The following LRP1B variants were observed in gnomAD, a reference collection of about 807,000 sequenced individuals.
LRP1B encodes low-density lipoprotein receptor-related protein 1B.
A neutral mutation model predicts 556.6 loss-of-function variants in LRP1B; 217 were observed. That is an observed-to-expected ratio of 0.39 (90% CI 0.35 to 0.44). LRP1B has a LOEUF of 0.44. LRP1B is among the 20% of genes least tolerant of loss of function. LRP1B has a pLI of 1.00. For synonymous variants in LRP1B, 2,047 were observed against 1,865.8 expected (o/e 1.10, Z -2.50); for missense variants, 5,053 against 5,620.8 (o/e 0.90, Z 3.23).
intron 3 of LRP1B, among the ~76,000 whole-genome samples, chr2:141,255,310 A>G (rs1219063642): frequency 6.6e-6 from 1 of 152,046 alleles, no homozygotes; most frequent in Non-Finnish European, 1.5e-5. Context: ...TATTGGATAG[A>G]AGCATGACTG....
At chr2:141,474,726 T>C (rs1031405137) in intron 3 of LRP1B, among the ~76,000 whole-genome samples, 3 of 152,128 alleles carry the variant, frequency 2.0e-5, no homozygotes, top group African/African-American at 7.2e-5. Flanking sequence ...CAATTAATTA[T>C]GTCATATACT....
chr2:141,939,654 A>G (rs887221092), intron 1 of LRP1B, among the ~76,000 whole-genome samples: 1 of 152,150 alleles, frequency 6.6e-6, no homozygotes, highest in African/African-American at 2.4e-5. Flanking sequence ...ACTATTATAT[A>G]TGTTTTGATG....
chr2:141,907,496 C>CT (rs1420694983), intron 1 of LRP1B, among the ~76,000 whole-genome samples: 1 of 151,704 alleles, frequency 6.6e-6, no homozygotes, highest in African/African-American at 2.4e-5. Context: ...TTATCTGTAT[C>CT]TTTTTTCTAG....
intron 9 of LRP1B, among the ~76,000 whole-genome samples, chr2:141,057,868 C>T (rs188169502): frequency 4.6e-4 from 70 of 152,006 alleles, no homozygotes; most frequent in Admixed American, 3.6e-3. Flanking sequence ...TTCCATGGAA[C>T]TTCTTCTGAC....
chr2:142,071,147 CTGTATTACTTTTATATTCGTAAATGAA>C (rs1235436573), intron 1 of LRP1B, among the ~76,000 whole-genome samples: 1 of 151,802 alleles, frequency 6.6e-6, no homozygotes, highest in Non-Finnish European at 1.5e-5. Flanking sequence ...CTTCAAGTAC[CTGTATTACTTTTATATTCGTAAATGAA>C]ATATACTTTC....
chr2:141,114,003 C>T (rs1360118027), intron 7 of LRP1B, among the ~76,000 whole-genome samples: 1 of 152,184 alleles, frequency 6.6e-6, no homozygotes, highest in Non-Finnish European at 1.5e-5. Context: ...ATGTATGGAG[C>T]TATCATGAAA....
chr2:142,129,584 T>TTCTCTCTCTCTCTCTCTCTCTCTC (rs56034357), intron 1 of LRP1B, among the ~76,000 whole-genome samples: 1 of 134,734 alleles, frequency 7.4e-6, no homozygotes, highest in African/African-American at 2.8e-5. Context: ...CTTTCTCTCT[T>TTCTCTCTCTCTCTCTCTCTCTCTC]TCTCTCTCTC....
chr2:140,316,013 T>C (rs977751591), intron 82 of LRP1B, among the ~76,000 whole-genome samples: 3 of 152,150 alleles, frequency 2.0e-5, no homozygotes, highest in Non-Finnish European at 2.9e-5. Flanking sequence ...ATAAAAAAGG[T>C]TGGACATTCC....
At chr2:141,123,496 A>G (rs1167178174) in intron 7 of LRP1B, among the ~76,000 whole-genome samples, 1 of 152,108 alleles carries the variant, frequency 6.6e-6, no homozygotes, top group Admixed American at 6.6e-5. Flanking sequence ...AAAAGCATCT[A>G]TGTTTTGAAA....
At position 140,601,571 on chromosome 2, in the gene LRP1B, T is replaced by C. The variant is rs1253742853; in HGVS notation, c.6868A>G (p.Thr2290Ala). 1 of 1,613,028 alleles carries C rather than the reference T, an allele frequency of 6.2e-7. No homozygotes were observed. Among genetic ancestry groups the C allele is most frequent in the East Asian group, 2.2e-5 (1 of 44,840 alleles). The change falls in exon 42 of 91, where the codon ACC (threonine) becomes GCC (alanine). Residue 2290 changes from threonine to alanine, a missense_variant. Thr to Ala is a moderately conservative substitution (Grantham distance 58, BLOSUM62 0). Transcript: ENST00000389484. ...ACAGTGTGTCTGGTGATGGATGAGG[T>C]GGTAGAGCTTGTCCAGTACAGTGTA... ...WDTLYWTSSTTSSITRHTVDQ... is the reference protein window; with the variant it reads ...WDTLYWTSSTASSITRHTVDQ...
rs142274547 is a variant in LRP1B, at chr2:140,891,472, C to T, written c.3767-5137G>A. On this transcript the variant is annotated intron_variant, in intron 23 of 90. Transcript: ENST00000389484. The stretch of plus-strand genomic sequence containing the variant: ...CAAACAAAAAGTGATATTACTGTTA[C>T]AATGTTTTCTCTCCTGCTACTTCGG... 1.2e-3 allele frequency among the ~76,000 whole-genome samples: 179 copies of T among 152,212 alleles called. 5 individuals carry two copies. Among genetic ancestry groups the T allele is most frequent in the Admixed American group, 0.01 (158 of 15,270 alleles).
intron 2 of LRP1B, among the ~76,000 whole-genome samples, chr2:141,562,722 A>C (rs978074710): frequency 1.2e-4 from 19 of 152,006 alleles, no homozygotes; most frequent in African/African-American, 4.3e-4. Context: ...TAGATGTATG[A>C]GCGTGCTTAA....
intron 60 of LRP1B, among the ~76,000 whole-genome samples, chr2:140,469,253 A>C (rs747860776): frequency 2.6e-5 from 4 of 152,128 alleles, no homozygotes; most frequent in Non-Finnish European, 4.4e-5. Context: ...CGTAAATGGG[A>C]ATGGTGCCCT....
At chr2:142,103,268 G>C (rs1453842980) in intron 1 of LRP1B, among the ~76,000 whole-genome samples, 1 of 151,720 alleles carries the variant, frequency 6.6e-6, no homozygotes, top group Non-Finnish European at 1.5e-5. Context: ...AATTAATTTA[G>C]TAAATTATTT....
At chr2:141,611,060 G>T (rs978320213) in intron 2 of LRP1B, among the ~76,000 whole-genome samples, 1 of 152,148 alleles carries the variant, frequency 6.6e-6, no homozygotes, top group African/African-American at 2.4e-5. Context: ...AGCAAGGAAG[G>T]ATCTCTAGCT....
intron 2 of LRP1B, among the ~76,000 whole-genome samples, chr2:141,641,391 A>C (rs1293460241): frequency 6.6e-6 from 1 of 152,194 alleles, no homozygotes; most frequent in Non-Finnish European, 1.5e-5. Flanking sequence ...AGGGGTGACT[A>C]TACAATAATT....
chr2:141,221,126 AG>A (rs1683018081), intron 6 of LRP1B, among the ~76,000 whole-genome samples: 1 of 152,168 alleles, frequency 6.6e-6, no homozygotes, highest in Non-Finnish European at 1.5e-5. Context: ...TAAAAAGAAA[AG>A]ACCCATTGAT....
At chr2:140,938,843 A>T (rs1483393531) in intron 20 of LRP1B, among the ~76,000 whole-genome samples, 1 of 152,082 alleles carries the variant, frequency 6.6e-6, no homozygotes, top group East Asian at 1.9e-4. Flanking sequence ...TATACAGAAA[A>T]ATTTAAAATT....
chr2:141,035,516 A>G (rs1294461276), intron 11 of LRP1B, among the ~76,000 whole-genome samples: 2 of 152,054 alleles, frequency 1.3e-5, no homozygotes, highest in South Asian at 4.1e-4. Context: ...ACCACTTGAT[A>G]TTTTCAGATA....
Sources: allele counts gnomAD v4.1 joint callset (sites outside exome capture counted in the v4.1 genomes callset), GRCh38; gene constraint gnomAD v4.1.1; transcripts MANE v1.5; gene names NCBI Gene and HGNC (gene_info 2026-07-23, HGNC 2026-07-21).